SMYD3: variants seen among roughly 807,000 people sequenced by gnomAD.
SMYD3 encodes SET and MYND domain containing 3.
Under a neutral mutation model 57.7 loss-of-function variants are expected in SMYD3, and 36 were observed. That is an observed-to-expected ratio of 0.62 (90% CI 0.48 to 0.82). The LOEUF is 0.82. Ranked by LOEUF, SMYD3 falls within the 40% of genes least tolerant of loss-of-function variation. The pLI is 0.00. For missense variants in SMYD3, 515 were observed against 538.8 expected, an observed-to-expected ratio of 0.96 and a Z score of 0.44; for synonymous variants, 211 against 195.0, an observed-to-expected ratio of 1.08 and a Z score of -0.68.
At chr1:245,755,076 C>T (rs1221982419) in intron 11 of SMYD3, among the ~76,000 whole-genome samples, 1 of 152,188 alleles carries the variant, frequency 6.6e-6, no homozygotes, top group Non-Finnish European at 1.5e-5. Context: ...CTCTGAGAGA[C>T]TCTGAAGAAG....
chr1:245,891,457 G>A (rs1432473774), intron 8 of SMYD3, among the ~76,000 whole-genome samples: 1 of 152,230 alleles, frequency 6.6e-6, no homozygotes, highest in Non-Finnish European at 1.5e-5. Context: ...GACAGCCCAG[G>A]ATGACATCCA....
At chr1:246,106,285 C>A (rs758933162) in intron 5 of SMYD3, among the ~76,000 whole-genome samples, 1 of 152,186 alleles carries the variant, frequency 6.6e-6, no homozygotes, top group Non-Finnish European at 1.5e-5. Context: ...CAGATAAAAT[C>A]CCTGAGGTTA....
At chr1:245,940,348 G>A (rs1466790517) in intron 5 of SMYD3, among the ~76,000 whole-genome samples, 2 of 152,096 alleles carry the variant, frequency 1.3e-5, no homozygotes, top group Non-Finnish European at 2.9e-5. Flanking sequence ...CCTCCCAACT[G>A]GGGTCACTAG....
At chr1:246,204,650 G>A (rs1204253926) in intron 5 of SMYD3, among the ~76,000 whole-genome samples, 1 of 152,168 alleles carries the variant, frequency 6.6e-6, no homozygotes, top group East Asian at 1.9e-4. Flanking sequence ...TGGCACGACA[G>A]CTTAAAATCC....
At chr1:246,114,326 T>A (rs2147998081) in intron 5 of SMYD3, among the ~76,000 whole-genome samples, 1 of 152,260 alleles carries the variant, frequency 6.6e-6, no homozygotes, top group Non-Finnish European at 1.5e-5. Context: ...TAAGAAAGCT[T>A]CCAGACCACA....
intron 5 of SMYD3, among the ~76,000 whole-genome samples, chr1:246,234,231 A>G (rs1413589091): frequency 6.6e-6 from 1 of 151,280 alleles, no homozygotes; most frequent in African/African-American, 2.4e-5. Flanking sequence ...TTCAATTCAC[A>G]CTGTGATGAA....
intron 1 of SMYD3, among the ~76,000 whole-genome samples, chr1:246,472,248 G>T (rs967461793): frequency 6.6e-6 from 1 of 152,044 alleles, no homozygotes; most frequent in Non-Finnish European, 1.5e-5. Flanking sequence ...TTTTGATCTT[G>T]TGGAAGAAGA....
chr1:245,980,643 GA>G (rs576168408), intron 5 of SMYD3, among the ~76,000 whole-genome samples: 35 of 152,312 alleles, frequency 2.3e-4, no homozygotes, highest in South Asian at 2.1e-3. Flanking sequence ...AACCAAGGTG[GA>G]AAAAATAATT....
In SMYD3 at chr1:245,915,511, C is replaced by G; in HGVS notation, c.813+19G>C. ...GATTTTGCCGTGGAGGTGTTTCAAT[C>G]TGGTTCCATACTACATACCTTGTCC... On this transcript the variant is annotated intron_variant, in intron 8 of 11. Coordinates refer to ENST00000490107, the MANE Select transcript of SMYD3 (RefSeq NM_001167740.2). 6.5e-7 allele frequency: 1 copy of G among 1,546,964 alleles called. No homozygotes were observed. The highest frequency in any genetic ancestry group is 8.9e-7 in the Non-Finnish European group (1 of 1,122,120).
intron 8 of SMYD3, among the ~76,000 whole-genome samples, chr1:245,874,446 T>C (rs1013189344): frequency 1.3e-5 from 2 of 152,190 alleles, no homozygotes; most frequent in African/African-American, 2.4e-5. Context: ...AGTCTAGACA[T>C]AGCTTTTTAG....
chr1:246,007,063 C>T (rs192426298), intron 5 of SMYD3, among the ~76,000 whole-genome samples: 1 of 152,198 alleles, frequency 6.6e-6, no homozygotes, highest in Non-Finnish European at 1.5e-5. Flanking sequence ...GGCTAAGGCC[C>T]GAAGCTGAGG....
chr1:245,828,563 TA>T (rs2049640591), intron 10 of SMYD3, among the ~76,000 whole-genome samples: 3 of 152,216 alleles, frequency 2.0e-5, no homozygotes, highest in Non-Finnish European at 4.4e-5. Context: ...AGACAAATAA[TA>T]ATTGTACAAA....
intron 8 of SMYD3, among the ~76,000 whole-genome samples, chr1:245,888,048 A>C (rs1392745188): frequency 6.6e-6 from 1 of 152,216 alleles, no homozygotes; most frequent in Non-Finnish European, 1.5e-5. Context: ...ATAAACAGAA[A>C]AGACTTATTC....
chr1:246,123,931 G>T (rs779758571), intron 5 of SMYD3, among the ~76,000 whole-genome samples: 1 of 151,846 alleles, frequency 6.6e-6, no homozygotes, highest in East Asian at 1.9e-4. Context: ...TCCTATCAAC[G>T]CCTCTTACAA....
intron 1 of SMYD3, among the ~76,000 whole-genome samples, chr1:246,431,205 T>G (rs1055773251): frequency 2.0e-5 from 3 of 152,150 alleles, no homozygotes; most frequent in African/African-American, 7.2e-5. Flanking sequence ...TACAAAAATA[T>G]GTATCTTAAT....
intron 9 of SMYD3, 123 bp from the exon 10 acceptor site, chr1:245,858,793 A>C: frequency 1.0e-6 from 1 of 961,696 alleles, no homozygotes; most frequent in Non-Finnish European, 1.5e-6. Context: ...GTTATTTTTC[A>C]CAGATGAGCT....
intron 5 of SMYD3, among the ~76,000 whole-genome samples, chr1:246,222,892 TA>T (rs1285861525): frequency 6.6e-6 from 1 of 152,206 alleles, no homozygotes; most frequent in Non-Finnish European, 1.5e-5. Flanking sequence ...TGCTAAATCG[TA>T]TGTGCTCTAA....
At chr1:246,234,073 C>T (rs1384143467) in intron 5 of SMYD3, among the ~76,000 whole-genome samples, 1 of 139,796 alleles carries the variant, frequency 7.2e-6, no homozygotes, top group Non-Finnish European at 1.5e-5. Flanking sequence ...GAGAAGCACT[C>T]CTTCAATTCA....
At chr1:245,837,586 C>G (rs996946946) in intron 10 of SMYD3, among the ~76,000 whole-genome samples, 1 of 152,162 alleles carries the variant, frequency 6.6e-6, no homozygotes, top group Non-Finnish European at 1.5e-5. Flanking sequence ...TTTTATCACA[C>G]TGTGTTAGTA....
Sources: allele counts gnomAD v4.1 joint callset (sites outside exome capture counted in the v4.1 genomes callset), GRCh38; gene constraint gnomAD v4.1.1; transcripts MANE v1.5; gene names NCBI Gene and HGNC (gene_info 2026-07-23, HGNC 2026-07-21).